The following HS6ST1 variants were observed in gnomAD, a reference collection of about 807,000 sequenced individuals.
The protein encoded by HS6ST1 is heparan sulfate 6-O-sulfotransferase 1, also known as heparan-sulfate 6-O-sulfotransferase 1.
A neutral mutation model predicts 25.2 loss-of-function variants in HS6ST1; 3 were observed. The observed-to-expected ratio is 0.12, with a 90% CI of 0.05 to 0.31. The LOEUF is 0.31. HS6ST1 is among the 10% of genes least tolerant of loss of function. The probability of loss-of-function intolerance (pLI) is 1.00; values close to 1 mark genes in which losing one functional copy is unlikely to be tolerated. For missense variants in HS6ST1, 310 were observed against 609.6 expected (o/e 0.51, Z 5.18); for synonymous variants, 204 against 275.1 (o/e 0.74, Z 2.56).
At chr2:128,306,846 G>A (rs1333225279) in intron 1 of HS6ST1, among the ~76,000 whole-genome samples, 1 of 152,208 alleles carries the variant, frequency 6.6e-6, no homozygotes, top group African/African-American at 2.4e-5. Context: ...CGGTGCCCAA[G>A]GGGCCTGGGG....
intron 1 of HS6ST1, among the ~76,000 whole-genome samples, chr2:128,315,806 T>C (rs1322593675): frequency 6.6e-6 from 1 of 152,206 alleles, no homozygotes; most frequent in Non-Finnish European, 1.5e-5. Flanking sequence ...CAAGATTACC[T>C]TGGCCTCCTG....
At chr2:128,309,829 C>T (rs1694262170) in intron 1 of HS6ST1, among the ~76,000 whole-genome samples, 1 of 152,180 alleles carries the variant, frequency 6.6e-6, no homozygotes, top group Non-Finnish European at 1.5e-5. Flanking sequence ...GCTGACGGCT[C>T]GCTCTCCAGA....
chr2:128,315,217 C>T (rs1347678875), intron 1 of HS6ST1, among the ~76,000 whole-genome samples: 1 of 152,228 alleles, frequency 6.6e-6, no homozygotes, highest in African/African-American at 2.4e-5. Flanking sequence ...TCCTTTCTAC[C>T]AAGGCAGCCA....
intron 1 of HS6ST1, among the ~76,000 whole-genome samples, chr2:128,278,398 G>A (rs1315744959): frequency 6.6e-6 from 1 of 152,246 alleles, no homozygotes; most frequent in African/African-American, 2.4e-5. Flanking sequence ...GAAGTCTGGG[G>A]CGGGCGAAGG....
At chr2:128,292,892 G>T (rs895361060) in intron 1 of HS6ST1, among the ~76,000 whole-genome samples, 2 of 152,092 alleles carry the variant, frequency 1.3e-5, no homozygotes, top group Admixed American at 1.3e-4. Context: ...CATGGGGTGT[G>T]GGGGAAGGCA....
chr2:128,311,985 T>C (rs1694297499), intron 1 of HS6ST1, among the ~76,000 whole-genome samples: 1 of 152,240 alleles, frequency 6.6e-6, no homozygotes, highest in Admixed American at 6.5e-5. Context: ...TTGCCAGCAC[T>C]ACCTTTGCAG....
intron 1 of HS6ST1, among the ~76,000 whole-genome samples, chr2:128,278,993 G>C (rs916223108): frequency 6.6e-6 from 1 of 152,184 alleles, no homozygotes. Flanking sequence ...GACCCAAGAA[G>C]AAATGATTTA....
At chr2:128,307,488 G>C (rs1051827001) in intron 1 of HS6ST1, among the ~76,000 whole-genome samples, 8 of 152,218 alleles carry the variant, frequency 5.3e-5, no homozygotes, top group African/African-American at 1.9e-4. Context: ...TCCACACATG[G>C]AGAAATGATG....
At chr2:128,272,104 T>C (rs752599090) in intron 1 of HS6ST1, among the ~76,000 whole-genome samples, 1 of 152,200 alleles carries the variant, frequency 6.6e-6, no homozygotes, top group Non-Finnish European at 1.5e-5. Flanking sequence ...CCCTTCTCCC[T>C]GGCAGCGACG....
chr2:128,297,032 A>G (rs956666249), intron 1 of HS6ST1, among the ~76,000 whole-genome samples: 2 of 152,188 alleles, frequency 1.3e-5, no homozygotes, highest in Admixed American at 1.3e-4. Flanking sequence ...ACTGCACCTT[A>G]GCCTGGATGA....
At chr2:128,282,468 T>C (rs1177840565) in intron 1 of HS6ST1, among the ~76,000 whole-genome samples, 1 of 152,148 alleles carries the variant, frequency 6.6e-6, no homozygotes, top group African/African-American at 2.4e-5. Context: ...CCGCGGCAGA[T>C]GGTTGAAAAC....
intron 1 of HS6ST1, among the ~76,000 whole-genome samples, chr2:128,314,263 C>A (rs1360107087): frequency 6.6e-6 from 1 of 152,164 alleles, no homozygotes; most frequent in Middle Eastern, 3.2e-3. Flanking sequence ...ACCAAGGAGT[C>A]CCCAGGTTCT....
chr2:128,313,161 T>G (rs571523791), intron 1 of HS6ST1, among the ~76,000 whole-genome samples: 16 of 152,168 alleles, frequency 1.1e-4, no homozygotes, highest in Non-Finnish European at 2.1e-4. Context: ...GTGGGTGTTC[T>G]GAAGAGGAAG....
chr2:128,282,302 CTG>C (rs1416659359), intron 1 of HS6ST1, among the ~76,000 whole-genome samples: 22 of 152,226 alleles, frequency 1.4e-4, no homozygotes, highest in Non-Finnish European at 2.4e-4. Context: ...TAAACAGAAA[CTG>C]CGGCTGTCCA....
At chr2:128,311,472 G>A (rs760518288) in intron 1 of HS6ST1, among the ~76,000 whole-genome samples, 16 of 152,170 alleles carry the variant, frequency 1.1e-4, no homozygotes, top group Non-Finnish European at 1.6e-4. Flanking sequence ...GCTCCCCAGA[G>A]CTCGGCTTCT....
At chr2:128,314,892 C>T (rs1177251416) in intron 1 of HS6ST1, among the ~76,000 whole-genome samples, 1 of 152,262 alleles carries the variant, frequency 6.6e-6, no homozygotes, top group African/African-American at 2.4e-5. Flanking sequence ...CGGGCAAGAC[C>T]TTGACCATGC....
At chr2:128,271,101 G>A (rs1693602636) in intron 1 of HS6ST1, among the ~76,000 whole-genome samples, 1 of 152,220 alleles carries the variant, frequency 6.6e-6, no homozygotes. Flanking sequence ...CTTGCCCAGG[G>A]CCACAGAGTC....
rs1573692205 is a variant in HS6ST1 at position 128,277,382 on chromosome 2, C to T, written c.528-8512G>A. Reference sequence around the variant, plus strand: ...TGTACTGGGACAGACTCAGGGCTCCCAGCGTTCACCCCTGAATGGGGCACA... The same window carrying T: ...TGTACTGGGACAGACTCAGGGCTCCTAGCGTTCACCCCTGAATGGGGCACA... On this transcript the variant is annotated intron_variant, in intron 1 of 1. Coordinates refer to ENST00000259241, the MANE Select transcript of HS6ST1 (RefSeq NM_004807.3). 3.9e-5 allele frequency among the ~76,000 whole-genome samples: 6 copies of T among 152,342 alleles called. No homozygotes were observed. The South Asian group carries it at 1.2e-3, about 32-fold the overall frequency.
At chr2:128,312,888 C>T (rs1318678491) in intron 1 of HS6ST1, among the ~76,000 whole-genome samples, 10 of 152,070 alleles carry the variant, frequency 6.6e-5, no homozygotes, top group Admixed American at 3.3e-4. Context: ...GGTGAAACCC[C>T]GTCTTTACTA....
Sources: allele counts gnomAD v4.1 joint callset (sites outside exome capture counted in the v4.1 genomes callset), GRCh38; gene constraint gnomAD v4.1.1; transcripts MANE v1.5; gene names NCBI Gene and HGNC (gene_info 2026-07-23, HGNC 2026-07-21).